Variants in RUFY3 observed in about 807,000 individuals in gnomAD.
The protein encoded by RUFY3 is RUN and FYVE domain containing 3.
In RUFY3, 34 loss-of-function variants were observed where a neutral mutation model predicts 84.0. The ratio of observed to expected loss-of-function variants is 0.40; its 90% CI spans 0.31 to 0.54. The LOEUF is 0.54. Among genes scored for constraint, RUFY3 ranks in the 20% least tolerant of loss-of-function variants. RUFY3 has a pLI of 0.39. For synonymous variants in RUFY3, 242 were observed against 252.9 expected (o/e 0.96, Z 0.41); for missense variants, 507 against 736.8 (o/e 0.69, Z 3.61).
chr4:70,795,014 A>G (rs765280867), intron 14 of RUFY3, 120 bp downstream of exon 14: 8 of 687,290 alleles, frequency 1.2e-5, no homozygotes, highest in Non-Finnish European at 2.1e-5. Context: ...GTCCTCAAGT[A>G]TGTAGATAGC....
chr4:70,779,610 G>A (rs957452365), intron 8 of RUFY3, among the ~76,000 whole-genome samples: 1 of 144,494 alleles, frequency 6.9e-6, no homozygotes, highest in Non-Finnish European at 1.5e-5. Flanking sequence ...TTCTGAGATA[G>A]GGTATCATTC....
At position 70,806,698 on chromosome 4, in the gene RUFY3, GCTCCT is replaced by G; in HGVS notation, c.*42_*46del. The G allele has an allele frequency of 6.2e-7, 1 of 1,612,282 alleles. No homozygotes were observed. The highest frequency in any genetic ancestry group is 8.5e-7 in the Non-Finnish European group (1 of 1,178,788). ...GACCTGGACCAAAACGTTTATGCAG[GCTCCT>G]CTGTACCTGTGTTTTAGCTGTCAGG... is the stretch of plus-strand genomic sequence containing the variant. On this transcript the variant is annotated 3_prime_UTR_variant, in exon 18 of 18. Transcript: ENST00000381006.
intron 1 of RUFY3, among the ~76,000 whole-genome samples, chr4:70,739,770 A>T (rs1057072476): frequency 6.6e-6 from 1 of 151,792 alleles, no homozygotes; most frequent in South Asian, 2.1e-4. Flanking sequence ...AGAAAAAAGA[A>T]GTACAAGAGG....
chr4:70,791,948 C>A (rs1359706847), intron 12 of RUFY3: 2 of 983,854 alleles, frequency 2.0e-6, no homozygotes, highest in African/African-American at 1.8e-5. Flanking sequence ...CCTTATATTT[C>A]TTTAAAATAC....
At chr4:70,727,172 C>T (rs978954937) in intron 1 of RUFY3, among the ~76,000 whole-genome samples, 11 of 149,530 alleles carry the variant, frequency 7.4e-5, no homozygotes, top group Non-Finnish European at 1.2e-4. Context: ...GGAAGCAGAA[C>T]GCTTCAGTTA....
At chr4:70,774,715 T>C (rs1372450238) in intron 6 of RUFY3, among the ~76,000 whole-genome samples, 2 of 145,506 alleles carry the variant, frequency 1.4e-5, no homozygotes, top group African/African-American at 5.1e-5. Flanking sequence ...AACCATTCAC[T>C]TTAAATGTTA....
intron 1 of RUFY3, among the ~76,000 whole-genome samples, chr4:70,724,300 T>G (rs1205751888): frequency 6.6e-6 from 1 of 152,164 alleles, no homozygotes; most frequent in Non-Finnish European, 1.5e-5. Flanking sequence ...ATATTTTGTT[T>G]GAAAAAAATG....
intron 1 of RUFY3, among the ~76,000 whole-genome samples, chr4:70,727,763 G>A (rs572677670): frequency 2.7e-5 from 4 of 149,902 alleles, no homozygotes; most frequent in African/African-American, 9.8e-5. Flanking sequence ...CTCCAGCCTG[G>A]GCAACAAGAG....
chr4:70,807,585 A>G lies in RUFY3; in HGVS notation c.*926A>G, dbSNP rs1459372004. On this transcript the variant is annotated 3_prime_UTR_variant, in exon 18 of 18. Transcript: ENST00000381006. The stretch of plus-strand genomic sequence containing the variant: ...GCACAAGCTGGAGGGCAGTAGTGCA[A>G]TCACAGCTCACTGAATCCCTGTTCT... Among the ~76,000 whole-genome samples the G allele has an allele frequency of 6.6e-6, 1 of 151,958 alleles. No homozygotes were observed. Among genetic ancestry groups the G allele is most frequent in the African/African-American group, 2.4e-5 (1 of 41,362 alleles).
At chr4:70,726,444 C>A (rs2148597356) in intron 1 of RUFY3, among the ~76,000 whole-genome samples, 1 of 152,270 alleles carries the variant, frequency 6.6e-6, no homozygotes, top group African/African-American at 2.4e-5. Flanking sequence ...TTCACTGCAA[C>A]CTCCACCTCC....
chr4:70,734,636 A>T (rs1719988642), intron 1 of RUFY3: 1 of 883,854 alleles, frequency 1.1e-6, no homozygotes, highest in Non-Finnish European at 1.4e-6. Context: ...GTAAAATTCT[A>T]AATCTGGGTG....
At chr4:70,745,235 C>T (rs1230172762) in intron 1 of RUFY3, among the ~76,000 whole-genome samples, 5 of 152,266 alleles carry the variant, frequency 3.3e-5, no homozygotes, top group Admixed American at 6.5e-5. Flanking sequence ...TGAGCCACCG[C>T]GCCCGGCCTG....
chr4:70,792,731 GATT>G, intron 12 of RUFY3: 1 of 985,346 alleles, frequency 1.0e-6, no homozygotes, highest in South Asian at 4.7e-5. Flanking sequence ...GTGTAAGATA[GATT>G]CCATGTGTGC....
chr4:70,741,475 T>C (rs1721306788), intron 1 of RUFY3, among the ~76,000 whole-genome samples: 1 of 152,216 alleles, frequency 6.6e-6, no homozygotes, highest in Non-Finnish European at 1.5e-5. Flanking sequence ...CTCCCAGCCC[T>C]TGTCACTGTT....
intron 5 of RUFY3, 134 bp downstream of exon 5, chr4:70,768,795 G>T: frequency 2.4e-6 from 2 of 826,078 alleles, no homozygotes; most frequent in Non-Finnish European, 3.7e-6. Context: ...CCATTTTGAT[G>T]GGAATATAAA....
At chr4:70,707,896 A>G (rs938997419) in intron 1 of RUFY3, among the ~76,000 whole-genome samples, 2 of 152,202 alleles carry the variant, frequency 1.3e-5, no homozygotes, top group African/African-American at 4.8e-5. Flanking sequence ...TGCAGAGTCA[A>G]TGGAATATTG....
At chr4:70,768,469 T>G in intron 4 of RUFY3, 69 bp from the exon 5 acceptor site, 1 of 1,517,378 alleles carries the variant, frequency 6.6e-7, no homozygotes, top group Non-Finnish European at 9.0e-7. Context: ...GAATCAACCA[T>G]TTTTGTCCTT....
intron 7 of RUFY3, 28 bp downstream of exon 7, chr4:70,775,261 A>T (rs1727737526): frequency 7.1e-7 from 1 of 1,417,616 alleles, no homozygotes. Context: ...ATATTACTTT[A>T]CTGGGGAATT....
At chr4:70,783,251 C>A in intron 9 of RUFY3, 68 bp downstream of exon 9, 1 of 939,442 alleles carries the variant, frequency 1.1e-6, no homozygotes, top group Non-Finnish European at 1.7e-6. Flanking sequence ...AAAGGGGAGT[C>A]TCTAAAGGAC....
Sources: allele counts gnomAD v4.1 joint callset (sites outside exome capture counted in the v4.1 genomes callset), GRCh38; gene constraint gnomAD v4.1.1; transcripts MANE v1.5; gene names NCBI Gene and HGNC (gene_info 2026-07-23, HGNC 2026-07-21).